DIPK1A: variants seen among roughly 807,000 people sequenced by gnomAD.
DIPK1A encodes the protein family with sequence similarity 69 member A.
DIPK1A carries 27 observed loss-of-function variants against 40.8 expected under a neutral mutation model. That is an observed-to-expected ratio of 0.66 (90% CI 0.49 to 0.91). The LOEUF is 0.91. Among genes scored for constraint, DIPK1A ranks in the 40% least tolerant of loss-of-function variants. The probability of loss-of-function intolerance (pLI) is 0.00; values close to 1 mark genes in which losing one functional copy is unlikely to be tolerated. For missense variants in DIPK1A, 412 were observed against 505.7 expected, an observed-to-expected ratio of 0.81 and a Z score of 1.78; for synonymous variants, 166 against 171.3, an observed-to-expected ratio of 0.97 and a Z score of 0.24.
At chr1:92,959,129 T>TA (rs1162989583) in intron 1 of DIPK1A, among the ~76,000 whole-genome samples, 2 of 151,576 alleles carry the variant, frequency 1.3e-5, no homozygotes, top group Non-Finnish European at 2.9e-5. Context: ...CTACAAAAAT[T>TA]AAAAAAATTA....
intron 1 of DIPK1A, among the ~76,000 whole-genome samples, chr1:92,922,347 A>ATT (rs1553132264): frequency 1.2e-5 from 1 of 86,292 alleles, no homozygotes. Context: ...TTTTTTTAGC[A>ATT]TTATTGTACT....
chr1:92,942,200 A>G (rs1459240699), intron 1 of DIPK1A, among the ~76,000 whole-genome samples: 1 of 152,246 alleles, frequency 6.6e-6, no homozygotes, highest in Non-Finnish European at 1.5e-5. Context: ...TGCTTAAAGC[A>G]TAATAATTAA....
intron 4 of DIPK1A, chr1:92,833,421 C>T: frequency 6.2e-7 from 1 of 1,613,970 alleles, no homozygotes; most frequent in Non-Finnish European, 8.5e-7. Context: ...ATAAGGCCTA[C>T]TTTAAGAGAT....
chr1:92,919,766 T>C (rs899179293), intron 1 of DIPK1A, among the ~76,000 whole-genome samples: 2 of 152,322 alleles, frequency 1.3e-5, no homozygotes, highest in African/African-American at 4.8e-5. Context: ...AAGTTTCTTC[T>C]GCACAGGAAC....
intron 1 of DIPK1A, among the ~76,000 whole-genome samples, chr1:92,953,511 T>G (rs181154214): frequency 1.3e-5 from 2 of 152,322 alleles, no homozygotes; most frequent in African/African-American, 2.4e-5. Context: ...ACCTAAATGT[T>G]CATCGACTAA....
At chr1:92,923,231 T>C (rs1571127631) in intron 1 of DIPK1A, among the ~76,000 whole-genome samples, 1 of 152,156 alleles carries the variant, frequency 6.6e-6, no homozygotes, top group African/African-American at 2.4e-5. Context: ...CTCTGCCTCC[T>C]GGGTTCAAGT....
Position 92,847,362 on chromosome 1 carries a change from A to G in DIPK1A, c.298-3T>C, listed in dbSNP as rs894087461. On this transcript the variant is annotated splice_region_variant and splice_polypyrimidine_tract_variant and intron_variant, in intron 3 of 4. Transcript: ENST00000370310. ...TTATCCCAAATCCCTAAATACATCT[A>G]TGTAAAAAAGAGTGGCAAGTTATGT... is the stretch of plus-strand genomic sequence containing the variant. 8.2e-6 allele frequency: 13 copies of G among 1,592,920 alleles called. No homozygotes were observed. Among genetic ancestry groups the G allele is most frequent in the Non-Finnish European group, 7.7e-6 (9 of 1,170,052 alleles).
At chr1:92,850,188 T>C (rs1054600148) in intron 3 of DIPK1A, among the ~76,000 whole-genome samples, 2 of 151,696 alleles carry the variant, frequency 1.3e-5, no homozygotes, top group Admixed American at 1.3e-4. Flanking sequence ...CAGGCTGGTC[T>C]CAGACTCCTG....
At chr1:92,836,460 G>A in intron 4 of DIPK1A, 2 of 1,425,464 alleles carry the variant, frequency 1.4e-6, no homozygotes, top group Non-Finnish European at 9.9e-7. Context: ...TAGTTGGACT[G>A]TGGAGATAAC....
chr1:92,942,427 G>A (rs1020590415), intron 1 of DIPK1A, among the ~76,000 whole-genome samples: 13 of 152,154 alleles, frequency 8.5e-5, no homozygotes, highest in African/African-American at 3.1e-4. Context: ...AGCATTATGA[G>A]TAAAGTGGAA....
At chr1:92,896,347 G>C (rs1469048365) in intron 1 of DIPK1A, among the ~76,000 whole-genome samples, 1 of 151,866 alleles carries the variant, frequency 6.6e-6, no homozygotes, top group Non-Finnish European at 1.5e-5. Context: ...CAGAAATAAT[G>C]CCACATATCT....
Position 92,843,928 on chromosome 1 carries a change from A to G in DIPK1A, c.742T>C (p.Phe248Leu). 1 of 1,551,792 alleles carries G rather than the reference A, an allele frequency of 6.4e-7. No individual in the cohort carries two copies. The highest frequency in any genetic ancestry group is 2.0e-5 in the Admixed American group (1 of 51,004). ...GISLPWVIEL[F>L]IPSGFRRSMD... is the part of the protein sequence containing the mutation. The stretch of plus-strand genomic sequence containing the variant: ...CTTCTTCTGAACCCAGATGGAATAA[A>G]AAGTTCAATGACCCAAGGAAGGCTT... Residue 248 changes from phenylalanine (F) to leucine (L), a missense_variant, in exon 5 of 5, where the codon TTT (phenylalanine) becomes CTT (leucine). Physicochemically the swap from Phe to Leu is conservative, Grantham distance 22. Coordinates refer to ENST00000370310, the MANE Select transcript of DIPK1A (RefSeq NM_001006605.5).
At chr1:92,837,884 C>G (rs1429604977), downstream of DIPK1A, 1 of 512,088 alleles carries the variant, frequency 2.0e-6, no homozygotes, top group African/African-American at 1.9e-5. Context: ...TAGTTGTAAT[C>G]TGCTTTGTTG....
chr1:92,917,376 T>C (rs765409388), intron 1 of DIPK1A, among the ~76,000 whole-genome samples: 17 of 152,180 alleles, frequency 1.1e-4, no homozygotes, highest in Non-Finnish European at 2.2e-4. Context: ...CTTTGCACTA[T>C]GTCGGTAGTG....
At chr1:92,945,793 G>A (rs909224105) in intron 1 of DIPK1A, among the ~76,000 whole-genome samples, 1 of 152,178 alleles carries the variant, frequency 6.6e-6, no homozygotes, top group African/African-American at 2.4e-5. Context: ...GGGAGCGGAT[G>A]ACAGAAGAAA....
intron 1 of DIPK1A, among the ~76,000 whole-genome samples, chr1:92,891,796 G>A (rs1030414330): frequency 1.3e-5 from 2 of 152,150 alleles, no homozygotes; most frequent in African/African-American, 4.8e-5. Context: ...TGGAAAATCG[G>A]GTCACTTTAC....
At chr1:92,883,403 C>G (rs1648468284) in intron 1 of DIPK1A, among the ~76,000 whole-genome samples, 1 of 152,202 alleles carries the variant, frequency 6.6e-6, no homozygotes, top group Non-Finnish European at 1.5e-5. Context: ...TTTTGATTTT[C>G]TATTGCTGTA....
intron 1 of DIPK1A, among the ~76,000 whole-genome samples, chr1:92,889,839 A>G (rs1377174570): frequency 1.3e-5 from 2 of 152,030 alleles, no homozygotes; most frequent in Non-Finnish European, 2.9e-5. Context: ...TGGTGGAGAC[A>G]GGGTTTTGCC....
intron 1 of DIPK1A, among the ~76,000 whole-genome samples, chr1:92,898,231 C>T (rs1649264626): frequency 6.6e-6 from 1 of 152,156 alleles, no homozygotes. Context: ...CAGCAACTTA[C>T]AGTCATGGTG....
Sources: gnomAD v4.1 joint callset for allele counts (sites outside exome capture counted in the v4.1 genomes callset) on GRCh38, gnomAD v4.1.1 for gene constraint, MANE v1.5 for transcripts, NCBI Gene and HGNC (gene_info 2026-07-23, HGNC 2026-07-21) for gene names.